Variants in RPS29 observed in about 807,000 individuals in gnomAD.
The protein encoded by RPS29 is small ribosomal subunit protein uS14.
For synonymous variants in RPS29, 37 were observed against 26.9 expected (o/e 1.37, Z -1.16); for missense variants, 60 against 75.7 (o/e 0.79, Z 0.77).
downstream of RPS29, among the ~76,000 whole-genome samples, chr14:49,582,680 G>A (rs897638158): frequency 1.3e-5 from 2 of 152,120 alleles, no homozygotes; most frequent in African/African-American, 4.8e-5. Flanking sequence ...GATTGCGTAG[G>A]GGCTCTTGTT....
chr14:49,588,573 G>A (rs1196943839), upstream of RPS29, among the ~76,000 whole-genome samples: 1 of 152,004 alleles, frequency 6.6e-6, no homozygotes, highest in Non-Finnish European at 1.5e-5. Context: ...TGTCGCCCAG[G>A]CTGGAGTGCA....
downstream of RPS29, among the ~76,000 whole-genome samples, chr14:49,582,844 CCA>C (rs138629710): frequency 3.3e-4 from 51 of 152,344 alleles, no homozygotes; most frequent in African/African-American, 1.1e-3. Flanking sequence ...GTTAAAGCAA[CCA>C]CACACTATAC....
At chr14:49,585,872 C>T in intron 2 of RPS29, 78 bp downstream of exon 2, 1 of 1,098,174 alleles carries the variant, frequency 9.1e-7, no homozygotes, top group Non-Finnish European at 1.4e-6. Flanking sequence ...AAGATCTGTC[C>T]GTTTGTCTTT....
intron 1 of RPS29, among the ~76,000 whole-genome samples, chr14:49,592,772 G>C (rs1308246267): frequency 6.6e-6 from 1 of 151,682 alleles, no homozygotes; most frequent in Non-Finnish European, 1.5e-5. Context: ...GCCCGGCGTG[G>C]TGGTGCATGC....
chr14:49,597,566 C>G (rs1343410904), intron 1 of RPS29: 1 of 152,092 alleles, frequency 6.6e-6, no homozygotes, highest in Non-Finnish European at 1.5e-5. Context: ...TCCGTTTTCT[C>G]TTTAGCCATA....
At chr14:49,590,588 C>A (rs1353336120), upstream of RPS29, among the ~76,000 whole-genome samples, 1 of 152,170 alleles carries the variant, frequency 6.6e-6, no homozygotes, top group Non-Finnish European at 1.5e-5. Context: ...CCTATTTTAC[C>A]ATAGACAGAG....
At chr14:49,593,187 G>T (rs1387909329) in intron 1 of RPS29, among the ~76,000 whole-genome samples, 2 of 152,162 alleles carry the variant, frequency 1.3e-5, no homozygotes, top group Admixed American at 6.5e-5. Context: ...TTTGCTAAAT[G>T]AATAAATGAA....
At chr14:49,581,190 CA>C (rs1218006369), downstream of RPS29, among the ~76,000 whole-genome samples, 9 of 144,522 alleles carry the variant, frequency 6.2e-5, no homozygotes, top group Non-Finnish European at 7.6e-5. Flanking sequence ...AACTCTATCT[CA>C]AAAAAAAAAG....
intron 1 of RPS29, among the ~76,000 whole-genome samples, chr14:49,596,078 A>C (rs1423283411): frequency 6.6e-6 from 1 of 152,198 alleles, no homozygotes; most frequent in African/African-American, 2.4e-5. Context: ...AGTATGTGCC[A>C]GAAAGCCAGG....
At chr14:49,577,655 C>A (rs1881220799) in exon 3 of RPS29, 1 of 732,504 alleles carries the variant, frequency 1.4e-6, no homozygotes. Context: ...GCCCTCAAAC[C>A]TTCTATGAAC....
intron 1 of RPS29, among the ~76,000 whole-genome samples, chr14:49,591,916 G>A (rs1450094430): frequency 6.6e-6 from 1 of 152,006 alleles, no homozygotes; most frequent in East Asian, 1.9e-4. Context: ...CACCACGCCC[G>A]GCCCCAATTT....
At chr14:49,572,338 C>CT (rs1280665457) in exon 3 of RPS29, 1 of 152,230 alleles carries the variant, frequency 6.6e-6, no homozygotes, top group African/African-American at 2.4e-5. Context: ...GGATCATGCC[C>CT]TTTAACTTGT....
downstream of RPS29, chr14:49,583,491 G>T (rs1330625830): frequency 5.0e-6 from 3 of 602,056 alleles, no homozygotes; most frequent in Non-Finnish European, 8.1e-6. Flanking sequence ...GGCGACAGAG[G>T]GGGACTCAGT....
chr14:49,576,381 G>A (rs1881180998), exon 3 of RPS29: 1 of 152,076 alleles, frequency 6.6e-6, no homozygotes, highest in African/African-American at 2.4e-5. Context: ...AGGATTACAG[G>A]CATGAGCCAC....
downstream of RPS29, among the ~76,000 whole-genome samples, chr14:49,579,323 G>A (rs1046406039): frequency 3.3e-5 from 5 of 152,180 alleles, no homozygotes; most frequent in African/African-American, 4.8e-5. Flanking sequence ...AGAACTGTGA[G>A]AAATAAATGT....
chr14:49,577,260 A>G (rs1881208116), exon 3 of RPS29: 1 of 154,092 alleles, frequency 6.5e-6, no homozygotes, highest in African/African-American at 2.4e-5. Flanking sequence ...AAAATTTTAA[A>G]AAATAAAACT....
chr14:49,588,911 G>C, upstream of RPS29, among the ~76,000 whole-genome samples: 1 of 123,082 alleles, frequency 8.1e-6, no homozygotes. Context: ...TTGAGACGGA[G>C]TCTGGAGTCT....
chr14:49,576,683 A>C (rs1364321423), exon 3 of RPS29: 2 of 152,126 alleles, frequency 1.3e-5, no homozygotes, highest in African/African-American at 4.8e-5. Flanking sequence ...TACTCGCATA[A>C]TCCCCACATG....
chr14:49,592,730 GA>G (rs1881742149), intron 1 of RPS29, among the ~76,000 whole-genome samples: 1 of 148,790 alleles, frequency 6.7e-6, no homozygotes, highest in African/African-American at 2.5e-5. Context: ...CCAACATGGA[GA>G]AACCACGTGT....
Sources: gnomAD v4.1 joint callset for allele counts (sites outside exome capture counted in the v4.1 genomes callset) on GRCh38, gnomAD v4.1.1 for gene constraint, MANE v1.5 for transcripts, NCBI Gene and HGNC (gene_info 2026-07-23, HGNC 2026-07-21) for gene names.